The following ITGB7 variants were observed in gnomAD, a reference collection of about 807,000 sequenced individuals.
ITGB7 encodes integrin subunit beta 7.
Under a neutral mutation model 83.4 loss-of-function variants are expected in ITGB7, and 55 were observed. The ratio of observed to expected loss-of-function variants is 0.66; its 90% CI spans 0.53 to 0.83. The LOEUF (loss-of-function observed/expected upper bound fraction) is 0.83. Among genes scored for constraint, ITGB7 ranks in the 40% least tolerant of loss-of-function variants. The probability of loss-of-function intolerance (pLI) is 0.00; values close to 1 mark genes in which losing one functional copy is unlikely to be tolerated. For missense variants in ITGB7, 921 were observed against 1,046.7 expected (o/e 0.88, Z 1.66); for synonymous variants, 454 against 423.6 (o/e 1.07, Z -0.88).
chr12:53,200,052 G>A (rs755925894), intron 3 of ITGB7, among the ~76,000 whole-genome samples, 191 bp downstream of exon 3: 7 of 152,208 alleles, frequency 4.6e-5, no homozygotes, highest in Non-Finnish European at 1.0e-4. Flanking sequence ...TTGCATGCAT[G>A]TGTATGCACA....
At chr12:53,206,287 C>CAT (rs879784876) in intron 1 of ITGB7, among the ~76,000 whole-genome samples, 11 of 152,172 alleles carry the variant, frequency 7.2e-5, no homozygotes, top group African/African-American at 1.2e-4. Context: ...TCCTTTTCCC[C>CAT]TCTGTTCCTA....
intron 12 of ITGB7, 27 bp downstream of exon 12, chr12:53,193,113 C>A (rs117362449): frequency 1.3e-6 from 2 of 1,580,236 alleles, no homozygotes; most frequent in Admixed American, 1.7e-5. Context: ...TCTCAGACCC[C>A]GCCCTTCTCC....
chr12:53,192,057 A>C (rs758434007), intron 14 of ITGB7, 38 bp from the exon 15 acceptor site: 1 of 1,601,498 alleles, frequency 6.2e-7, no homozygotes, highest in Middle Eastern at 1.7e-4. Flanking sequence ...TGGGAGCTGG[A>C]GCATAGGGAC....
rs367877432 is a variant in ITGB7, at chr12:53,191,953, C to T, written c.2222G>A (p.Gly741Glu). ...CVGGIVAVGL[G>E]LVLAYRLSVE... The stretch of plus-strand genomic sequence containing the variant: ...CGAGAGCCGGTAAGCCAGGACCAGC[C>T]CCAGCCCCACTGCCACGATGCCCCC... The change falls in exon 15 of 16, where the codon GGG becomes GAG. Residue 741 changes from glycine (G) to glutamate (E), a missense_variant. Physicochemically the swap from Gly to Glu is moderately conservative, Grantham distance 98 (BLOSUM62 -2). Transcript: ENST00000267082. 6.2e-7 allele frequency: 1 copy of T among 1,611,872 alleles called. No individual in the cohort carries two copies. The highest frequency in any genetic ancestry group is 8.5e-7 in the Non-Finnish European group (1 of 1,179,994).
intron 9 of ITGB7, 41 bp downstream of exon 9, chr12:53,195,333 A>G (rs767069530): frequency 2.1e-6 from 3 of 1,451,160 alleles, no homozygotes; most frequent in Non-Finnish European, 1.9e-6. Flanking sequence ...ACCTTTCCCT[A>G]GTGCCCACCC....
chr12:53,202,473 G>A (rs1302708923), intron 1 of ITGB7, among the ~76,000 whole-genome samples: 4 of 152,054 alleles, frequency 2.6e-5, no homozygotes, highest in African/African-American at 9.6e-5. Flanking sequence ...TCTGGCCTCA[G>A]GCGCCCAAGT....
Position 53,195,415 on chromosome 12 carries a change from CCTCA to C in ITGB7, c.1116_1119del (p.Ser372ArgfsTer21), listed in dbSNP as rs1942123471. 1.9e-6 allele frequency: 3 copies of C among 1,614,004 alleles called. No homozygotes were observed. The highest frequency in any genetic ancestry group is 2.5e-6 in the Non-Finnish European group (3 of 1,179,936). ...ATGAGCTGTACCACGTTGCTGGAGT[CCTCA>C]CTCAGCTCCCCAACTGCAGACTTAG... On this transcript the variant is annotated frameshift_variant, in exon 9 of 16. Transcript: ENST00000267082. LOFTEE classifies it high-confidence loss of function.
intron 1 of ITGB7, among the ~76,000 whole-genome samples, 165 bp downstream of exon 1, chr12:53,207,037 C>T (rs1038999068): frequency 1.3e-5 from 2 of 152,108 alleles, no homozygotes; most frequent in Non-Finnish European, 2.9e-5. Context: ...GAGGAGGGAA[C>T]CAGGTCAGGG....
rs1291059294 is a variant in ITGB7, at chr12:53,193,136, G to A, written c.1726+4C>T. ...CCCGCCCTTCTCCCCAAGGCTCCAG[G>A]TACCTCCGCAGAGGATGCCCTCATG... On this transcript the variant is annotated splice_donor_region_variant and intron_variant, in intron 12 of 15. Transcript: ENST00000267082. 1 of 1,601,352 alleles carries A rather than the reference G, an allele frequency of 6.2e-7. No homozygotes were observed. The highest frequency in any genetic ancestry group is 2.2e-5 in the East Asian group (1 of 44,610).
Position 53,196,686 on chromosome 12 carries a change from C to G in ITGB7, c.709G>C (p.Gly237Arg). Residue 237 changes from glycine (G) to arginine (R), a missense_variant, in exon 6 of 16, where the codon GGG becomes CGG. Gly to Arg is a moderately radical substitution (Grantham distance 125). Transcript: ENST00000267082. ...TCCCGCTCGAAGGCTTGTGCGTCCC[C>G]CGTCAGGGACAGCACATGGTGAAAG... is the stretch of plus-strand genomic sequence containing the variant. Reference protein sequence around the residue: ...FSFHHVLSLTGDAQAFEREVG... With the variant: ...FSFHHVLSLTRDAQAFEREVG... 6.2e-7 allele frequency: 1 copy of G among 1,612,022 alleles called. No homozygotes were observed.
Position 53,192,400 on chromosome 12 carries a change from G to A in ITGB7, c.2085C>T (p.Asn695=). The A allele has an allele frequency of 1.2e-6, 2 of 1,614,104 alleles. No individual in the cohort carries two copies. The highest frequency in any genetic ancestry group is 1.7e-6 in the Non-Finnish European group (2 of 1,180,032). ...DGWCKERTLD[N]QLFFFLVEDD... ...CCTCCACCAAGAAGAAGAACAGCTG[G>A]TTGTCCAGGGTCCGCTCTTTGCACC... The change falls in exon 14 of 16, where the codon AAC becomes AAT. Residue 695 remains asparagine, a synonymous_variant. Transcript: ENST00000267082.
rs199659993 is a variant in ITGB7, at chr12:53,192,679, C to T, written c.1946+12G>A. On this transcript the variant is annotated intron_variant, in intron 13 of 15. Coordinates refer to ENST00000267082, the MANE Select transcript of ITGB7 (RefSeq NM_000889.3). Reference sequence around the variant, plus strand: ...TGCCCCTGCTCCCAAGATGCAAGACCTGAGGCCTCACCGGTGTCTCTCGCA... The same window carrying T: ...TGCCCCTGCTCCCAAGATGCAAGACTTGAGGCCTCACCGGTGTCTCTCGCA... 8.6e-5 allele frequency: 139 copies of T among 1,611,482 alleles called. 1 individual carries two copies. In the East Asian group the frequency reaches 2.7e-3, roughly 32 times the overall value.
chr12:53,197,783 C>T lies in ITGB7; in HGVS notation c.370G>A (p.Ala124Thr). The T allele has an allele frequency of 6.4e-7, 1 of 1,560,076 alleles. No homozygotes were observed. Among genetic ancestry groups the T allele is most frequent in the Non-Finnish European group, 8.6e-7 (1 of 1,156,098 alleles). ...GARGEGATQL[A>T]PQRVRVTLRP... ...AGCGTGACCCGGACCCGCTGCGGCG[C>T]CAGCTGGGTGGCACCCTCTCCGCGG... Residue 124 changes from alanine (A) to threonine (T), a missense_variant, in exon 4 of 16, where the codon GCG becomes ACG. By Grantham distance (58) the Ala-to-Thr change is moderately conservative. Transcript: ENST00000267082.
intron 1 of ITGB7, among the ~76,000 whole-genome samples, chr12:53,203,306 C>T (rs1215061348): frequency 6.6e-6 from 1 of 152,120 alleles, no homozygotes; most frequent in Non-Finnish European, 1.5e-5. Context: ...AGCCACCCAG[C>T]AAATGAAAAG....
chr12:53,197,746 T>A lies in ITGB7; in HGVS notation c.403+4A>T. ...CTGGCCTGGCCCCGCCTCCCCTAAC[T>A]CACCAGGCCGCAGCGTGACCCGGAC... On this transcript the variant is annotated splice_donor_region_variant and intron_variant, in intron 4 of 15. Coordinates refer to ENST00000267082, the MANE Select transcript of ITGB7 (RefSeq NM_000889.3). 6.3e-7 allele frequency: 1 copy of A among 1,581,468 alleles called. No homozygotes were observed. Among genetic ancestry groups the A allele is most frequent in the Non-Finnish European group, 8.6e-7 (1 of 1,165,168 alleles).
intron 12 of ITGB7, 21 bp from the exon 13 acceptor site, chr12:53,192,931 G>T: frequency 6.2e-7 from 1 of 1,608,890 alleles, no homozygotes; most frequent in South Asian, 1.1e-5. Context: ...GCCATGCAGA[G>T]GGTGACAACC....
intron 14 of ITGB7, 141 bp from the exon 15 acceptor site, chr12:53,192,160 C>T: frequency 8.3e-7 from 1 of 1,211,712 alleles, no homozygotes; most frequent in South Asian, 1.4e-5. Flanking sequence ...GTTATCCTCA[C>T]CGCCCAGGGC....
At chr12:53,194,811 A>G in intron 9 of ITGB7, 1 of 169,138 alleles carries the variant, frequency 5.9e-6, no homozygotes, top group Admixed American at 5.5e-5. Flanking sequence ...GACCTAAACC[A>G]CTAAGAATTT....
Position 53,191,956 on chromosome 12 carries a change from A to G in ITGB7, c.2219T>C (p.Leu740Pro). ...GCVGGIVAVG[L>P]GLVLAYRLSV... ...GAGCCGGTAAGCCAGGACCAGCCCCAGCCCCACTGCCACGATGCCCCCTAC... is the reference window on the plus strand; with the variant it reads ...GAGCCGGTAAGCCAGGACCAGCCCCGGCCCCACTGCCACGATGCCCCCTAC... Residue 740 changes from leucine to proline, a missense_variant, in exon 15 of 16, where the codon CTG (leucine) becomes CCG (proline). Leu to Pro is a moderately conservative substitution (Grantham distance 98). Transcript: ENST00000267082. The G allele has an allele frequency of 1.2e-6, 2 of 1,610,816 alleles. No individual in the cohort carries two copies. Among genetic ancestry groups the G allele is most frequent in the Non-Finnish European group, 1.7e-6 (2 of 1,179,690 alleles).
Sources: allele counts gnomAD v4.1 joint callset (sites outside exome capture counted in the v4.1 genomes callset), GRCh38; gene constraint gnomAD v4.1.1; transcripts MANE v1.5; gene names NCBI Gene and HGNC (gene_info 2026-07-23, HGNC 2026-07-21).